PTOV1: variants seen among roughly 807,000 people sequenced by gnomAD.
PTOV1 encodes prostate tumor-overexpressed gene 1 protein.
In PTOV1, 20 loss-of-function variants were observed where a neutral mutation model predicts 58.0. The observed-to-expected ratio is 0.34, with a 90% CI of 0.24 to 0.50. The LOEUF (loss-of-function observed/expected upper bound fraction) is 0.50. Ranked by LOEUF, PTOV1 falls within the 20% of genes least tolerant of loss-of-function variation. PTOV1 has a pLI of 0.98. For missense variants in PTOV1, 593 were observed against 565.4 expected (o/e 1.05, Z -0.50); for synonymous variants, 335 against 234.2 (o/e 1.43, Z -3.93).
chr19:49,859,711 T>C (rs560422017), intron 10 of PTOV1, among the ~76,000 whole-genome samples: 1 of 152,190 alleles, frequency 6.6e-6, no homozygotes, highest in East Asian at 2.0e-4. Context: ...GTGGCTGTGG[T>C]GAGGTGGCCC....
chr19:49,857,150 C>T lies in PTOV1; in HGVS notation c.714+20C>T, dbSNP rs556361062. 6.2e-7 allele frequency: 1 copy of T among 1,613,606 alleles called. No individual in the cohort carries two copies. The highest frequency in any genetic ancestry group is 2.2e-5 in the East Asian group (1 of 44,808). ...AAGCAGGTGTGCCAGCCAAGCACAG[C>T]CCCTCTGGGGACAGAGGGGGATTAG... On this transcript the variant is annotated intron_variant, in intron 6 of 11. Transcript: ENST00000391842.
At chr19:49,851,181 C>G (rs1456839979) in exon 1 of PTOV1, 19 of 1,227,146 alleles carry the variant, frequency 1.5e-5, no homozygotes, top group Non-Finnish European at 1.9e-5. Flanking sequence ...GCGGCGACCC[C>G]ACTCCGGCGG....
In PTOV1 at chr19:49,852,086, G is replaced by C. The variant is rs999993195; in HGVS notation, c.171+587G>C. The C allele has an allele frequency of 1.5e-5, 15 of 984,816 alleles. No individual in the cohort carries two copies. The African/African-American group carries it at 2.6e-4, about 17-fold the overall frequency. The allele number at this position is 984,816 out of a possible 1,614,324, so 61.0% of individuals were successfully genotyped here. ...TTCGCAGGTACTTTGGGCTGCACACGCTTCTCCGGACCCAAAAGATGCACA... is the reference window on the plus strand; with the variant it reads ...TTCGCAGGTACTTTGGGCTGCACACCCTTCTCCGGACCCAAAAGATGCACA... On this transcript the variant is annotated intron_variant, in intron 1 of 11. Coordinates refer to ENST00000391842, the Ensembl canonical transcript of PTOV1.
upstream of PTOV1, chr19:49,850,995 G>C (rs573058262): frequency 1.4e-4 from 210 of 1,534,594 alleles, 4 homozygotes; most frequent in South Asian, 1.7e-3. Flanking sequence ...TGAAGTTGTG[G>C]CTCGCGCGTC....
In PTOV1 at chr19:49,856,769, G is replaced by A. The variant is rs1024939872; in HGVS notation, c.559-206G>A. On this transcript the variant is annotated intron_variant, in intron 5 of 11. Coordinates refer to ENST00000391842, the Ensembl canonical transcript of PTOV1. ...CAGCCTGGGTGCCGGGTGCCACTCT[G>A]ACCTCAGCCATGGCAGGGTCGGGGG... 2.8e-5 allele frequency: 17 copies of A among 602,380 alleles called. No homozygotes were observed. The African/African-American group carries it at 3.0e-4, about 11-fold the overall frequency. 37.3% of individuals were successfully genotyped at this position (602,380 alleles called of 1,614,324 possible).
At chr19:49,860,664 A>C (rs1385507946) in exon 12 of PTOV1, 2 of 398,512 alleles carry the variant, frequency 5.0e-6, no homozygotes, top group Admixed American at 4.2e-5. Context: ...GCCCAGCAAC[A>C]TGGAGGATGG....
intron 1 of PTOV1, chr19:49,851,800 G>C (rs1478019509): frequency 1.8e-5 from 19 of 1,031,518 alleles, no homozygotes; most frequent in Non-Finnish European, 2.1e-5. Flanking sequence ...CAGGCAGCCG[G>C]CACGCTCGCT....
intron 5 of PTOV1, chr19:49,855,389 G>A (rs1022292316): frequency 1.7e-5 from 7 of 412,460 alleles, no homozygotes; most frequent in Admixed American, 7.1e-5. Context: ...GGGACACATA[G>A]CGTATGGCAG....
intron 3 of PTOV1, 42 bp downstream of exon 3, chr19:49,854,776 G>T (rs1353269471): frequency 1.2e-6 from 2 of 1,613,136 alleles, no homozygotes; most frequent in Non-Finnish European, 1.7e-6. Flanking sequence ...GGCAGGGGCA[G>T]TGGCTGTGGC....
chr19:49,854,983 C>T, exon 5 of PTOV1: 1 of 1,599,714 alleles, frequency 6.3e-7, no homozygotes, highest in Non-Finnish European at 8.5e-7. Context: ...ACCCTGGGCC[C>T]CCTGTTCCGG....
chr19:49,858,030 T>C (rs969352671), intron 8 of PTOV1, 27 bp from the exon 9 acceptor site: 2 of 1,613,828 alleles, frequency 1.2e-6, no homozygotes, highest in African/African-American at 1.3e-5. Flanking sequence ...TGGGGCTTCC[T>C]GACCCTCGTC....
At chr19:49,853,491 AC>A (rs1162264472) in intron 1 of PTOV1, among the ~76,000 whole-genome samples, 8 of 122,432 alleles carry the variant, frequency 6.5e-5, no homozygotes, top group Non-Finnish European at 5.1e-5. Context: ...CCCCATCTCT[AC>A]TAAAAAAAAA....
chr19:49,857,084 G>C (rs1412708172), exon 6 of PTOV1: 1 of 1,614,122 alleles, frequency 6.2e-7, no homozygotes, highest in Non-Finnish European at 8.5e-7. Context: ...TACGACCAGA[G>C]CGGCTTCGTC....
intron 6 of PTOV1, chr19:49,857,448 C>T: frequency 1.6e-6 from 1 of 607,836 alleles, no homozygotes; most frequent in East Asian, 2.8e-5. Context: ...TCATGCCTTG[C>T]CAGTTGAGGC....
exon 7 of PTOV1, chr19:49,857,701 A>C: frequency 6.2e-7 from 1 of 1,613,912 alleles, no homozygotes. Flanking sequence ...AGGCAGTGGG[A>C]CCTGGTGGTG....
In PTOV1 at chr19:49,859,822, C is replaced by T. The variant is rs532463273; in HGVS notation, c.1042-164C>T. ...TGGCCCACCCATTGCTCTTGGCCAC[C>T]GTGTCATCCCAATAAGGGGGCCCAC... On this transcript the variant is annotated intron_variant, in intron 10 of 11. Coordinates refer to ENST00000391842, the Ensembl canonical transcript of PTOV1. 7.2e-4 allele frequency: 512 copies of T among 707,756 alleles called. 1 individual carries two copies. The highest frequency in any genetic ancestry group is 4.1e-3 in the African/African-American group (232 of 56,252). 43.8% of individuals were successfully genotyped at this position (707,756 alleles called of 1,614,324 possible). A position where few individuals can be genotyped will look rare whatever the true frequency, so the allele number is the denominator to read the frequency against.
intron 10 of PTOV1, chr19:49,859,255 G>C (rs1171934050): frequency 2.0e-5 from 3 of 152,924 alleles, no homozygotes; most frequent in Non-Finnish European, 4.4e-5. Flanking sequence ...GTGGGTGGGG[G>C]GGGCCTGGGT....
intron 5 of PTOV1, chr19:49,856,244 C>G (rs568922868): frequency 6.6e-6 from 1 of 152,318 alleles, no homozygotes; most frequent in African/African-American, 2.4e-5. Flanking sequence ...ACTCACCCCC[C>G]AGGCATGGCC....
chr19:49,858,255 G>T lies in PTOV1; in HGVS notation c.936+141G>T. On this transcript the variant is annotated intron_variant, in intron 9 of 11. Coordinates refer to ENST00000391842, the Ensembl canonical transcript of PTOV1. ...GAGGGTGCTGAAGCAGGTGTGGTGG[G>T]TAGCTCCTCAGGCTTGGCTTCAAGG... 3 of 1,133,774 alleles carry T rather than the reference G, an allele frequency of 2.6e-6. No homozygotes were observed. The East Asian group carries it at 7.7e-5, about 29-fold the overall frequency. 70.2% of individuals were successfully genotyped at this position (1,133,774 alleles called of 1,614,324 possible).
Sources: allele counts gnomAD v4.1 joint callset (sites outside exome capture counted in the v4.1 genomes callset), GRCh38; gene constraint gnomAD v4.1.1; transcripts MANE v1.5; gene names NCBI Gene and HGNC (gene_info 2026-07-23, HGNC 2026-07-21).